Variants in IL1RAPL2 observed in about 807,000 individuals in gnomAD.
IL1RAPL2 encodes the protein interleukin 1 receptor accessory protein like 2, also known as X-linked interleukin-1 receptor accessory protein-like 2.
IL1RAPL2 carries 3 observed loss-of-function variants against 44.1 expected under a neutral mutation model. That is an observed-to-expected ratio of 0.07 (90% CI 0.03 to 0.18). The LOEUF is 0.18. IL1RAPL2 is among the 10% of genes least tolerant of loss of function. The pLI is 1.00. For synonymous variants in IL1RAPL2, 181 were observed against 178.8 expected (o/e 1.01, Z -0.10); for missense variants, 391 against 496.4 (o/e 0.79, Z 2.02).
intron 2 of IL1RAPL2, among the ~76,000 whole-genome samples, chrX:104,670,846 C>T (rs1046567111): frequency 9.0e-6 from 1 of 111,348 alleles, no homozygotes; most frequent in East Asian, 2.8e-4. Context: ...GGTGTTTTTA[C>T]TTGTTTGCTT....
chrX:105,445,432 A>G (rs1160833624), intron 5 of IL1RAPL2, among the ~76,000 whole-genome samples: 1 of 110,400 alleles, frequency 9.1e-6, no homozygotes, highest in Non-Finnish European at 1.9e-5. Context: ...CTTTTCCTCT[A>G]CTAATATTGA....
At chrX:105,283,541 A>G (rs769689719) in intron 5 of IL1RAPL2, among the ~76,000 whole-genome samples, 2 of 111,236 alleles carry the variant, frequency 1.8e-5, no homozygotes, top group East Asian at 5.7e-4. Context: ...TAGAATGACT[A>G]TACTTCCTCA....
At chrX:105,283,495 G>A (rs1162698538) in intron 5 of IL1RAPL2, among the ~76,000 whole-genome samples, 1 of 110,660 alleles carries the variant, frequency 9.0e-6, no homozygotes, top group Admixed American at 9.7e-5. Context: ...AATAGAGGTA[G>A]TAAAAAGTAG....
chrX:105,013,977 CA>C (rs1201715743), intron 2 of IL1RAPL2, among the ~76,000 whole-genome samples: 1 of 112,237 alleles, frequency 8.9e-6, no homozygotes, highest in Non-Finnish European at 1.9e-5. Flanking sequence ...ACAAATCTAG[CA>C]TTATAAGCAC....
At chrX:104,651,790 A>G in intron 1 of IL1RAPL2, among the ~76,000 whole-genome samples, 1 of 111,833 alleles carries the variant, frequency 8.9e-6, no homozygotes, top group Middle Eastern at 4.6e-3. Context: ...GTTGTTCAAG[A>G]AAATTTTGAA....
chrX:104,808,356 G>C (rs1359030551), intron 2 of IL1RAPL2, among the ~76,000 whole-genome samples: 2 of 111,386 alleles, frequency 1.8e-5, no homozygotes, highest in South Asian at 7.6e-4. Context: ...TTTCATAAAT[G>C]GGGACACTAA....
At chrX:105,219,858 C>T (rs1197987193) in intron 3 of IL1RAPL2, 8 of 1,074,370 alleles carry the variant, frequency 7.4e-6, no homozygotes, top group East Asian at 3.1e-5. Flanking sequence ...CGGGGCAGGG[C>T]GAAGCCATGG....
chrX:105,033,830 G>A (rs1157151622), intron 2 of IL1RAPL2, among the ~76,000 whole-genome samples: 7 of 111,870 alleles, frequency 6.3e-5, no homozygotes, highest in African/African-American at 2.3e-4. Context: ...TTCCAACTTG[G>A]TTCCATTCTC....
intron 4 of IL1RAPL2, among the ~76,000 whole-genome samples, chrX:105,249,214 A>G (rs1193301247): frequency 9.0e-6 from 1 of 111,181 alleles, no homozygotes; most frequent in Admixed American, 9.6e-5. Context: ...ACCAGAGGTC[A>G]TTATGTTAAA....
intron 2 of IL1RAPL2, among the ~76,000 whole-genome samples, chrX:104,863,363 G>A (rs897778669): frequency 2.7e-5 from 3 of 111,679 alleles, no homozygotes; most frequent in African/African-American, 9.8e-5. Flanking sequence ...GAGGGATATA[G>A]TCATTCAGAT....
chrX:104,916,882 C>T (rs1203734445), intron 2 of IL1RAPL2, among the ~76,000 whole-genome samples: 39 of 111,226 alleles, frequency 3.5e-4, no homozygotes, highest in Admixed American at 3.4e-3. Context: ...TATTGATTTG[C>T]GTATATTGAA....
intron 6 of IL1RAPL2, among the ~76,000 whole-genome samples, chrX:105,631,864 G>A (rs2037494076): frequency 9.0e-6 from 1 of 111,482 alleles, no homozygotes; most frequent in East Asian, 2.8e-4. Flanking sequence ...GAATCCAGCA[G>A]TTTTAAAATC....
intron 2 of IL1RAPL2, among the ~76,000 whole-genome samples, chrX:105,191,142 C>A (rs972520517): frequency 8.9e-6 from 1 of 112,742 alleles, no homozygotes; most frequent in Non-Finnish European, 1.9e-5. Flanking sequence ...AATAGAGATA[C>A]GAGTTTTATA....
chrX:104,772,312 A>G (rs1305164254), intron 2 of IL1RAPL2, among the ~76,000 whole-genome samples: 1 of 112,163 alleles, frequency 8.9e-6, no homozygotes, highest in East Asian at 2.8e-4. Flanking sequence ...ATGTGGCAAA[A>G]ATACAATTTA....
rs779696704 is a variant in IL1RAPL2 at position 105,006,624 on chromosome X, G to A, written c.83-188851G>A. 2.1e-3 allele frequency among the ~76,000 whole-genome samples: 234 copies of A among 110,201 alleles called. 1 individual carries two copies. The highest frequency in any genetic ancestry group is 7.6e-3 in the African/African-American group (228 of 29,963). ...TGAAGAAATCAAATGGTAAGTCTCA[G>A]GCAATTACTGTATGCATTTGAGAGT... On this transcript the variant is annotated intron_variant, in intron 2 of 10. Coordinates refer to ENST00000372582, the MANE Select transcript of IL1RAPL2 (RefSeq NM_017416.2).
At chrX:105,214,540 C>A (rs1323355526) in intron 3 of IL1RAPL2, among the ~76,000 whole-genome samples, 1 of 110,719 alleles carries the variant, frequency 9.0e-6, no homozygotes, top group African/African-American at 3.3e-5. Flanking sequence ...GACATTAACA[C>A]CCCACTATCA....
intron 2 of IL1RAPL2, among the ~76,000 whole-genome samples, chrX:104,739,432 C>T (rs1932067027): frequency 8.9e-6 from 1 of 111,976 alleles, no homozygotes; most frequent in Non-Finnish European, 1.9e-5. Flanking sequence ...CTGGGGCCAC[C>T]CCCATTGGTT....
At chrX:105,056,955 A>G (rs1337812747) in intron 2 of IL1RAPL2, among the ~76,000 whole-genome samples, 1 of 236 alleles carries the variant, frequency 4.2e-3, no homozygotes, top group African/African-American at 0.014. Flanking sequence ...AGACATTATA[A>G]TTTTTGCATC....
chrX:105,012,633 TCTCTCTCTCTCTCA>T (rs1342453233), intron 2 of IL1RAPL2, among the ~76,000 whole-genome samples: 1 of 73,819 alleles, frequency 1.4e-5, no homozygotes, highest in African/African-American at 6.7e-5. Context: ...TCTCTCTCTC[TCTCTCTCTCTCTCA>T]CACACACACA....
Sources: allele counts gnomAD v4.1 joint callset (sites outside exome capture counted in the v4.1 genomes callset), GRCh38; gene constraint gnomAD v4.1.1; transcripts MANE v1.5; gene names NCBI Gene and HGNC (gene_info 2026-07-23, HGNC 2026-07-21).